Variants in CACNA2D3 observed in about 807,000 individuals in gnomAD.
CACNA2D3 encodes the protein calcium voltage-gated channel auxiliary subunit alpha2delta 3.
Under a neutral mutation model 160.6 loss-of-function variants are expected in CACNA2D3, and 60 were observed. That is an observed-to-expected ratio of 0.37 (90% CI 0.30 to 0.46). The LOEUF (loss-of-function observed/expected upper bound fraction) is 0.46. Among genes scored for constraint, CACNA2D3 ranks in the 20% least tolerant of loss-of-function variants. The pLI is 1.00. For synonymous variants in CACNA2D3, 558 were observed against 492.9 expected (o/e 1.13, Z -1.75); for missense variants, 1,205 against 1,365.0 (o/e 0.88, Z 1.85).
At chr3:54,256,112 T>A (rs1702288893) in intron 2 of CACNA2D3, among the ~76,000 whole-genome samples, 1 of 152,082 alleles carries the variant, frequency 6.6e-6, no homozygotes, top group Non-Finnish European at 1.5e-5. Context: ...ATACACAGGA[T>A]CTTGGAAAGG....
intron 17 of CACNA2D3, among the ~76,000 whole-genome samples, chr3:54,847,362 A>G (rs369797501): frequency 2.6e-5 from 4 of 151,978 alleles, no homozygotes; most frequent in South Asian, 2.1e-4. Flanking sequence ...ACAAACACAC[A>G]CGTACCTATA....
intron 27 of CACNA2D3, among the ~76,000 whole-genome samples, chr3:54,940,866 G>A (rs1379816383): frequency 6.6e-6 from 1 of 152,170 alleles, no homozygotes; most frequent in Non-Finnish European, 1.5e-5. Flanking sequence ...CACCTCCCTA[G>A]CAGGGAGCCA....
chr3:54,335,618 C>T lies in CACNA2D3; in HGVS notation c.321+15060C>T, dbSNP rs372263183. ...GGTCTTTATGACCTGTATCTTGTGCCGACCTCCTGTCTCATCCTGTGACTT... is the reference window on the plus strand; with the variant it reads ...GGTCTTTATGACCTGTATCTTGTGCTGACCTCCTGTCTCATCCTGTGACTT... On this transcript the variant is annotated intron_variant, in intron 3 of 37. Coordinates refer to ENST00000474759, the MANE Select transcript of CACNA2D3 (RefSeq NM_018398.3). 9.9e-5 allele frequency among the ~76,000 whole-genome samples: 15 copies of T among 152,234 alleles called. No homozygotes were observed. In the South Asian group the frequency reaches 1.7e-3, roughly 17 times the overall value.
chr3:54,289,061 C>T (rs1703113094), intron 2 of CACNA2D3, among the ~76,000 whole-genome samples: 1 of 150,772 alleles, frequency 6.6e-6, no homozygotes, highest in Non-Finnish European at 1.5e-5. Context: ...TGTTGGAAGT[C>T]CTGGCCAGGA....
intron 25 of CACNA2D3, among the ~76,000 whole-genome samples, chr3:54,893,333 T>G (rs1700112341): frequency 6.6e-6 from 1 of 152,146 alleles, no homozygotes; most frequent in Admixed American, 6.5e-5. Context: ...TAAAAATTCC[T>G]ACAACTGTGT....
chr3:54,502,565 A>G (rs1029086184), intron 4 of CACNA2D3, among the ~76,000 whole-genome samples: 4 of 152,314 alleles, frequency 2.6e-5, no homozygotes, highest in African/African-American at 9.6e-5. Context: ...TATTAATTGT[A>G]GTTATTTTAA....
At chr3:54,719,803 T>C (rs923649171) in intron 11 of CACNA2D3, among the ~76,000 whole-genome samples, 8 of 152,076 alleles carry the variant, frequency 5.3e-5, no homozygotes, top group African/African-American at 1.2e-4. Flanking sequence ...TTTTTCGTTA[T>C]AGATTCAATC....
intron 12 of CACNA2D3, among the ~76,000 whole-genome samples, chr3:54,758,546 T>C (rs1018694495): frequency 6.6e-6 from 1 of 152,192 alleles, no homozygotes; most frequent in Non-Finnish European, 1.5e-5. Flanking sequence ...GTTTATAAAT[T>C]GTACCTTTTT....
chr3:54,987,801 T>A (rs770106950), intron 31 of CACNA2D3, 48 bp downstream of exon 31: 1 of 1,430,892 alleles, frequency 7.0e-7, no homozygotes, highest in Non-Finnish European at 9.5e-7. Context: ...TTTTCCTAAA[T>A]AAAATAAAAC....
chr3:54,365,989 G>A lies in CACNA2D3; in HGVS notation c.322-20726G>A, dbSNP rs183581059. Among the ~76,000 whole-genome samples the A allele has an allele frequency of 3.3e-5, 5 of 152,308 alleles. No homozygotes were observed. In the East Asian group the frequency reaches 9.6e-4, roughly 29 times the overall value. Reference sequence around the variant, plus strand: ...ACAGACACTGATGGAGCACCAGTATGCCTGGATTACTCTTCTAAGCCCAAG... The same window carrying A: ...ACAGACACTGATGGAGCACCAGTATACCTGGATTACTCTTCTAAGCCCAAG... On this transcript the variant is annotated intron_variant, in intron 3 of 37. Transcript: ENST00000474759.
At chr3:54,418,449 C>G (rs969956943) in intron 4 of CACNA2D3, among the ~76,000 whole-genome samples, 1 of 152,020 alleles carries the variant, frequency 6.6e-6, no homozygotes, top group Non-Finnish European at 1.5e-5. Context: ...AGCTTAAAGG[C>G]GATATTTTTT....
chr3:54,334,904 T>C (rs1704341057), intron 3 of CACNA2D3, among the ~76,000 whole-genome samples: 1 of 152,230 alleles, frequency 6.6e-6, no homozygotes. Flanking sequence ...AGTCATTTAA[T>C]AGCTGAATAA....
intron 5 of CACNA2D3, among the ~76,000 whole-genome samples, chr3:54,544,090 T>C (rs184848241): frequency 4.6e-5 from 7 of 152,344 alleles, no homozygotes; most frequent in Non-Finnish European, 7.3e-5. Context: ...GAGGATTGAA[T>C]TGACCCTCTG....
chr3:54,298,144 G>T (rs753383816), intron 2 of CACNA2D3, among the ~76,000 whole-genome samples: 1 of 152,208 alleles, frequency 6.6e-6, no homozygotes, highest in South Asian at 2.1e-4. Flanking sequence ...CTTCTTACAG[G>T]CAGTGGCCCT....
At chr3:54,742,593 A>T (rs967566884) in intron 11 of CACNA2D3, among the ~76,000 whole-genome samples, 1 of 152,172 alleles carries the variant, frequency 6.6e-6, no homozygotes, top group African/African-American at 2.4e-5. Flanking sequence ...CCATGAAATG[A>T]TGCCGTCTGT....
chr3:54,502,198 C>G (rs962263828), intron 4 of CACNA2D3, among the ~76,000 whole-genome samples: 3 of 152,224 alleles, frequency 2.0e-5, no homozygotes, highest in East Asian at 1.9e-4. Context: ...GGAAAATACT[C>G]AGCCATTATT....
chr3:54,247,563 T>G (rs9839188), intron 2 of CACNA2D3, among the ~76,000 whole-genome samples: 8 of 151,858 alleles, frequency 5.3e-5, no homozygotes, highest in African/African-American at 1.7e-4. Context: ...AAGGTAAACA[T>G]TAGGAACATT....
chr3:54,968,562 G>A, intron 28 of CACNA2D3, 51 bp downstream of exon 28: 2 of 1,393,292 alleles, frequency 1.4e-6, no homozygotes, highest in South Asian at 1.2e-5. Flanking sequence ...TATTATACAG[G>A]TGTTCCCATT....
At chr3:54,885,641 A>G in intron 23 of CACNA2D3, 55 bp downstream of exon 23, 1 of 1,383,028 alleles carries the variant, frequency 7.2e-7, no homozygotes. Flanking sequence ...TGGGGAATGA[A>G]CTCAAAACAT....
Sources: gnomAD v4.1 joint callset for allele counts (sites outside exome capture counted in the v4.1 genomes callset) on GRCh38, gnomAD v4.1.1 for gene constraint, MANE v1.5 for transcripts, NCBI Gene and HGNC (gene_info 2026-07-23, HGNC 2026-07-21) for gene names.